The following ADAM8 variants were observed in gnomAD, a reference collection of about 807,000 sequenced individuals.
ADAM8 encodes the protein ADAM metallopeptidase domain 8.
Under a neutral mutation model 102.4 loss-of-function variants are expected in ADAM8, and 104 were observed. That is an observed-to-expected ratio of 1.02 (90% CI 0.87 to 1.20). The LOEUF (loss-of-function observed/expected upper bound fraction) is 1.20. Ranked by LOEUF, ADAM8 falls within the 50% of genes most tolerant of loss-of-function variation. The pLI, the probability that ADAM8 is intolerant of heterozygous loss-of-function variation, is 0.00. For synonymous variants in ADAM8, 517 were observed against 485.2 expected (o/e 1.07, Z -0.86); for missense variants, 1,132 against 1,159.0 (o/e 0.98, Z 0.34).
intron 8 of ADAM8, 61 bp downstream of exon 8, chr10:133,272,737 A>G: frequency 6.9e-7 from 1 of 1,444,526 alleles, no homozygotes; most frequent in South Asian, 1.3e-5. Context: ...ACCCTGTGGC[A>G]ACACCCCCCC....
chr10:133,275,662 G>A, intron 1 of ADAM8, 75 bp from the exon 2 acceptor site: 1 of 773,700 alleles, frequency 1.3e-6, no homozygotes, highest in Non-Finnish European at 2.0e-6. Context: ...TGGGCCCTCA[G>A]ATTCTGTCTC....
At position 133,271,383 on chromosome 10, in the gene ADAM8, T is replaced by C. The variant is rs560774344; in HGVS notation, c.1285-94A>G. Reference sequence around the variant, plus strand: ...GCCTCCCCTGACCACTGGGGTGCCCTGCAGCCACTCCCTCCCTGTGACCGC... The same window carrying C: ...GCCTCCCCTGACCACTGGGGTGCCCCGCAGCCACTCCCTCCCTGTGACCGC... On this transcript the variant is annotated intron_variant, in intron 12 of 22. Coordinates refer to ENST00000445355, the MANE Select transcript of ADAM8 (RefSeq NM_001109.5). 4.2e-4 allele frequency: 624 copies of C among 1,493,916 alleles called. 6 individuals are homozygous for C. The East Asian group carries it at 0.014, about 33-fold the overall frequency. The allele number at this position is 1,493,916 out of a possible 1,614,324, so 92.5% of individuals were successfully genotyped here.
At chr10:133,268,450 G>A (rs1473730268) in intron 19 of ADAM8, among the ~76,000 whole-genome samples, 1 of 152,172 alleles carries the variant, frequency 6.6e-6, no homozygotes, top group African/African-American at 2.4e-5. Flanking sequence ...CACGGGGCTG[G>A]GTCAGGGTAT....
chr10:133,266,333 C>T (rs961384150), intron 21 of ADAM8, among the ~76,000 whole-genome samples: 1 of 152,162 alleles, frequency 6.6e-6, no homozygotes, highest in African/African-American at 2.4e-5. Flanking sequence ...CATTCGGGAG[C>T]AGGCCAGGCG....
intron 2 of ADAM8, 62 bp from the exon 3 acceptor site, chr10:133,274,297 T>C: frequency 4.2e-6 from 6 of 1,421,658 alleles, no homozygotes; most frequent in Non-Finnish European, 5.6e-6. Flanking sequence ...ACCTCAATCC[T>C]GGGGGCCAGA....
rs777544211 is a variant in ADAM8, at chr10:133,270,917, T to G, written c.1528A>C (p.Thr510Pro). 1 of 1,612,480 alleles carries G rather than the reference T, an allele frequency of 6.2e-7. No individual in the cohort carries two copies. Among genetic ancestry groups the G allele is most frequent in the Non-Finnish European group, 8.5e-7 (1 of 1,179,846 alleles). ...GGYCYNGACP[T>P]LAQQCQAFWG... Reference sequence around the variant, plus strand: ...AAGGCCTGGCACTGCTGGGCCAGTGTGGGACAGGCCCCGTTGTAGCAGTAG... The same window carrying G: ...AAGGCCTGGCACTGCTGGGCCAGTGGGGGACAGGCCCCGTTGTAGCAGTAG... Residue 510 changes from threonine to proline, a missense_variant, in exon 14 of 23, where the codon ACA (threonine) becomes CCA (proline). Coordinates refer to ENST00000445355, the MANE Select transcript of ADAM8 (RefSeq NM_001109.5).
chr10:133,271,010 AG>A lies in ADAM8; in HGVS notation c.1434del (p.Cys479ValfsTer166). The A allele has an allele frequency of 6.2e-7, 1 of 1,612,842 alleles. No homozygotes were observed. The highest frequency in any genetic ancestry group is 1.1e-5 in the South Asian group (1 of 91,090). ...GGGCACTCAGGGTGCCGGCCGTCAC[AG>A]AACTCCTCGAGGTCACACATGTCCT... ...PKKDMCDLEE[F>X]CDGRHPECPE... is the part of the protein sequence containing the mutation. On this transcript the variant is annotated frameshift_variant, in exon 14 of 23. Transcript: ENST00000445355. LOFTEE classifies it high-confidence loss of function.
chr10:133,270,057 G>T, intron 16 of ADAM8, 83 bp from the exon 17 acceptor site: 4 of 1,465,094 alleles, frequency 2.7e-6, no homozygotes, highest in Non-Finnish European at 3.8e-6. Flanking sequence ...GTAAGCTGGG[G>T]GTGGGCTGTG....
rs766296653 is a variant in ADAM8 at position 133,274,170 on chromosome 10, C to T, written c.216G>A (p.Leu72=). The change falls in exon 3 of 23, where the codon CTG becomes CTA. Residue 72 remains leucine (L), a synonymous_variant. Transcript: ENST00000445355. The stretch of plus-strand genomic sequence containing the variant: ...CGAGACCCACTCACCTGTTCTTCCG[C>T]AGGTGGAGGGTGAAGTTGTGCCCTG... ...GATGHNFTLH[L]RKNRDLLGSG... is the part of the protein sequence containing the mutation. 15 of 1,588,000 alleles carry T rather than the reference C, an allele frequency of 9.4e-6. No individual in the cohort carries two copies. The highest frequency in any genetic ancestry group is 2.2e-5 in the East Asian group (1 of 44,564).
At chr10:133,271,161 C>T (rs1290303524) in intron 13 of ADAM8, 39 bp downstream of exon 13, 1 of 1,599,646 alleles carries the variant, frequency 6.3e-7, no homozygotes, top group Non-Finnish European at 8.5e-7. Flanking sequence ...ACCTGCCAGC[C>T]ATGGGCTCTG....
rs1305201032 is a variant in ADAM8, at chr10:133,272,442, G to C, written c.849C>G (p.His283Gln). 1.9e-6 allele frequency: 3 copies of C among 1,609,916 alleles called. No individual in the cohort carries two copies. Among genetic ancestry groups the C allele is most frequent in the Non-Finnish European group, 1.7e-6 (2 of 1,179,566 alleles). Residue 283 changes from histidine to glutamine, a missense_variant, in exon 9 of 23, where the codon CAC (histidine) becomes CAG (glutamine). Physicochemically the swap from His to Gln is conservative, Grantham distance 24 (BLOSUM62 0). Transcript: ENST00000445355. The stretch of plus-strand genomic sequence containing the variant: ...TGATGAGCTGTACGTTGTCATGCAG[G>C]TGCCGCCGTGTCCGTTGCCGTGCCT... ...TWQARQRTRR[H>Q]LHDNVQLITG...
At position 133,272,122 on chromosome 10, in the gene ADAM8, T is replaced by A. The variant is rs758094306; in HGVS notation, c.957+71A>T. 1.2e-5 allele frequency: 18 copies of A among 1,515,780 alleles called. No homozygotes were observed. In the African/African-American group the frequency reaches 2.4e-4, roughly 20 times the overall value. 93.9% of individuals were successfully genotyped at this position (1,515,780 alleles called of 1,614,324 possible). The stretch of plus-strand genomic sequence containing the variant: ...GGGGAGGTGGCCTGCTCCAGAGACC[T>A]GGACCGAGGCGTCCCCTCCCCTATC... On this transcript the variant is annotated intron_variant, in intron 10 of 22. Coordinates refer to ENST00000445355, the MANE Select transcript of ADAM8 (RefSeq NM_001109.5).
chr10:133,268,673 C>A, intron 19 of ADAM8, 75 bp downstream of exon 19: 1 of 1,484,946 alleles, frequency 6.7e-7, no homozygotes, highest in South Asian at 1.2e-5. Context: ...TGGGCCCGTG[C>A]TGGGCACTCC....
chr10:133,274,368 G>T (rs1204942286), intron 2 of ADAM8, 133 bp from the exon 3 acceptor site: 8 of 680,606 alleles, frequency 1.2e-5, no homozygotes, highest in Non-Finnish European at 1.8e-5. Context: ...CTCCATCCTG[G>T]AGGGTCCACA....
At chr10:133,276,017 C>T (rs1413466521) in intron 1 of ADAM8, 2 of 163,526 alleles carry the variant, frequency 1.2e-5, no homozygotes, top group African/African-American at 4.8e-5. Context: ...GGAAGTGCCT[C>T]CCGGAGGCTG....
At chr10:133,274,072 G>T in intron 3 of ADAM8, 43 bp from the exon 4 acceptor site, 1 of 1,593,594 alleles carries the variant, frequency 6.3e-7, no homozygotes, top group Non-Finnish European at 8.5e-7. Flanking sequence ...CCTCGGTGCA[G>T]AGAGGCTGGC....
chr10:133,273,337 C>A lies in ADAM8; in HGVS notation c.490G>T (p.Ala164Ser), dbSNP rs1241507863. Residue 164 changes from alanine to serine, a missense_variant, in exon 6 of 23, where the codon GCC becomes TCC. By Grantham distance (99) the Ala-to-Ser change is moderately conservative (BLOSUM62 1). Coordinates refer to ENST00000445355, the MANE Select transcript of ADAM8 (RefSeq NM_001109.5). ...TCGTCGCTGACCCCGCAGGTCCCGGCCGTCTGCAGCAGGTGCTCAGCCTGG... is the reference window on the plus strand; with the variant it reads ...TCGTCGCTGACCCCGCAGGTCCCGGACGTCTGCAGCAGGTGCTCAGCCTGG... ...VYQAEHLLQT[A>S]GTCGVSDDSL... is the part of the protein sequence containing the mutation. The A allele has an allele frequency of 1.9e-6, 3 of 1,572,934 alleles. No individual in the cohort carries two copies. Among genetic ancestry groups the A allele is most frequent in the Non-Finnish European group, 1.7e-6 (2 of 1,160,100 alleles).
At chr10:133,273,533 G>T in intron 5 of ADAM8, 90 bp from the exon 6 acceptor site, 2 of 1,412,132 alleles carry the variant, frequency 1.4e-6, no homozygotes, top group Non-Finnish European at 1.9e-6. Context: ...GTTGCCTACA[G>T]CTCCCCCTAC....
rs189154556 is a variant in ADAM8 at position 133,268,017 on chromosome 10, C to A, written c.2165G>T (p.Gly722Val). 1.1e-3 allele frequency: 1,410 copies of A among 1,260,856 alleles called. 27 individuals are homozygous for A. In the East Asian group the frequency reaches 0.037, roughly 33 times the overall value. The allele number at this position is 1,260,856 out of a possible 1,614,324, so 78.1% of individuals were successfully genotyped here. A position where few individuals can be genotyped will look rare whatever the true frequency, so the allele number is the denominator to read the frequency against. ...AKGGAPAPSR[G>V]PQELVPTTHP... ...GGTGGTGGGGACCAGCTCTTGGGGG[C>A]CCCTGGATGGGGCTGGAGCCCCGCC... Residue 722 changes from glycine (G) to valine (V), a missense_variant, in exon 20 of 23, where the codon GGC (glycine) becomes GTC (valine). Gly to Val is a moderately radical substitution (Grantham distance 109, BLOSUM62 -3). Coordinates refer to ENST00000445355, the MANE Select transcript of ADAM8 (RefSeq NM_001109.5).
Sources: gnomAD v4.1 joint callset for allele counts (sites outside exome capture counted in the v4.1 genomes callset) on GRCh38, gnomAD v4.1.1 for gene constraint, MANE v1.5 for transcripts, NCBI Gene and HGNC (gene_info 2026-07-23, HGNC 2026-07-21) for gene names.